LMBR1L: variants seen among roughly 807,000 people sequenced by gnomAD.
LMBR1L encodes the protein protein LMBR1L.
A neutral mutation model predicts 67.3 loss-of-function variants in LMBR1L; 47 were observed. The observed-to-expected ratio is 0.70, with a 90% CI of 0.55 to 0.89. The LOEUF (loss-of-function observed/expected upper bound fraction) is 0.89. Among genes scored for constraint, LMBR1L ranks in the 40% least tolerant of loss-of-function variants. The pLI is 0.00. For synonymous variants in LMBR1L, 247 were observed against 250.3 expected (o/e 0.99, Z 0.13); for missense variants, 533 against 599.2 (o/e 0.89, Z 1.15).
intron 2 of LMBR1L, 23 bp from the exon 3 acceptor site, chr12:49,105,980 G>A (rs1344916165): frequency 1.1e-5 from 18 of 1,610,874 alleles, no homozygotes; most frequent in East Asian, 2.2e-5. Context: ...GAGGCACGGG[G>A]AACAGGCAGG....
chr12:49,102,383 G>T lies in LMBR1L; in HGVS notation c.770-7C>A. The T allele has an allele frequency of 6.2e-7, 1 of 1,614,124 alleles. No homozygotes were observed. The highest frequency in any genetic ancestry group is 8.5e-7 in the Non-Finnish European group (1 of 1,179,950). On this transcript the variant is annotated splice_region_variant and splice_polypyrimidine_tract_variant and intron_variant, in intron 9 of 16. Transcript: ENST00000267102. ...AGCCAGCAGGAAGTAGGATCTGAGG[G>T]CAGAGAAGATGGTGTTGCTCTCAAG...
Position 49,105,297 on chromosome 12 carries a change from C to T in LMBR1L, c.192-412G>A, listed in dbSNP as rs147648075. On this transcript the variant is annotated intron_variant, in intron 3 of 16. Coordinates refer to ENST00000267102, the MANE Select transcript of LMBR1L (RefSeq NM_018113.4). ...TAGCCCAGATAAGCACAGGGTCATC[C>T]CATATGGCTATGCCCTGCACAAAGG... The T allele has an allele frequency of 1.1e-3, 239 of 214,896 alleles. 1 individual carries two copies. The highest frequency in any genetic ancestry group is 5.1e-3 in the African/African-American group (224 of 44,240). 13.3% of individuals were successfully genotyped at this position (214,896 alleles called of 1,614,324 possible). A position where few individuals can be genotyped will look rare whatever the true frequency, so the allele number is the denominator to read the frequency against.
At chr12:49,106,889 C>G in intron 2 of LMBR1L, 72 bp downstream of exon 2, 1 of 1,215,652 alleles carries the variant, frequency 8.2e-7, no homozygotes, top group Non-Finnish European at 1.2e-6. Flanking sequence ...CCAGTGGGTA[C>G]CATAGGCCCA....
intron 1 of LMBR1L, chr12:49,110,243 A>AGGGGGGGGGCG: frequency 4.3e-6 from 2 of 461,600 alleles, no homozygotes; most frequent in Middle Eastern, 5.3e-4. Flanking sequence ...AGGGAGGGGC[A>AGGGGGGGGGCG]GGGGAGGGGC....
intron 3 of LMBR1L, among the ~76,000 whole-genome samples, chr12:49,105,417 G>A (rs1358312600): frequency 6.6e-6 from 1 of 152,154 alleles, no homozygotes; most frequent in East Asian, 1.9e-4. Context: ...GGCACTTCTA[G>A]CTCTTTGGTC....
At chr12:49,103,919 T>C (rs1487213645) in intron 5 of LMBR1L, 106 bp from the exon 6 acceptor site, 5 of 1,260,668 alleles carry the variant, frequency 4.0e-6, no homozygotes, top group Non-Finnish European at 5.5e-6. Flanking sequence ...ATTCAGGAGG[T>C]AAGAGAGAGG....
intron 1 of LMBR1L, among the ~76,000 whole-genome samples, chr12:49,108,391 G>A (rs893597165): frequency 1.3e-5 from 2 of 151,856 alleles, no homozygotes; most frequent in African/African-American, 4.8e-5. Context: ...GCGAAACCCT[G>A]TCTCTACTAA....
intron 2 of LMBR1L, chr12:49,106,220 C>A: frequency 1.9e-6 from 1 of 539,152 alleles, no homozygotes. Context: ...AGATCTCTCC[C>A]ATCACAAGTT....
Position 49,103,116 on chromosome 12 carries a change from G to C in LMBR1L, c.606C>G (p.Ser202=). Residue 202 remains serine, a synonymous_variant, in exon 7 of 17, where the codon TCC becomes TCG. Coordinates refer to ENST00000267102, the MANE Select transcript of LMBR1L (RefSeq NM_018113.4). ...CCAGGAGCAGCAGAACCCCAAGGAAGGAGATGCATGAGTAGAGGTAGGGGA... is the reference window on the plus strand; with the variant it reads ...CCAGGAGCAGCAGAACCCCAAGGAACGAGATGCATGAGTAGAGGTAGGGGA... ...YYLPYLYSCI[S]FLGVLLLLVC... 6.2e-7 allele frequency: 1 copy of C among 1,614,112 alleles called. No homozygotes were observed. The highest frequency in any genetic ancestry group is 8.5e-7 in the Non-Finnish European group (1 of 1,179,982).
intron 1 of LMBR1L, among the ~76,000 whole-genome samples, chr12:49,109,543 T>A (rs1378839511): frequency 4.6e-5 from 7 of 152,174 alleles, no homozygotes; most frequent in African/African-American, 1.7e-4. Flanking sequence ...ACCCCAACAA[T>A]GGATTCCCAC....
intron 5 of LMBR1L, chr12:49,104,063 GAC>G (rs1315770611): frequency 6.0e-6 from 3 of 500,192 alleles, no homozygotes; most frequent in African/African-American, 5.8e-5. Context: ...CTGGGAGGCT[GAC>G]CTCCGAGGTC....
chr12:49,110,504 C>T lies in LMBR1L; in HGVS notation c.52G>A (p.Glu18Lys). ...CTCACAATACACTCGCGGATCCTCT[C>T]GTGGAATAGCTGTTCTCGCACGGAT... ...VLSVREQLFH[E>K]RIRECIISTL... Residue 18 changes from glutamate (E) to lysine (K), a missense_variant, in exon 1 of 17, where the codon GAG becomes AAG. Transcript: ENST00000267102. The T allele has an allele frequency of 5.0e-6, 8 of 1,614,046 alleles. No homozygotes were observed. The highest frequency in any genetic ancestry group is 6.8e-6 in the Non-Finnish European group (8 of 1,179,974).
intron 2 of LMBR1L, chr12:49,106,319 A>G (rs545763538): frequency 2.6e-5 from 10 of 381,600 alleles, no homozygotes; most frequent in Admixed American, 1.8e-4. Flanking sequence ...AAGGGAAAAG[A>G]GAGGAGGGGG....
intron 15 of LMBR1L, among the ~76,000 whole-genome samples, chr12:49,099,086 A>AT (rs1939772659): frequency 7.0e-6 from 1 of 143,512 alleles, no homozygotes; most frequent in Non-Finnish European, 1.5e-5. Flanking sequence ...AAGTGCTAGG[A>AT]TTACAGGCGT....
rs746348663 is a variant in LMBR1L, at chr12:49,107,019, C to A, written c.99G>T (p.Leu33=). ...CIISTLLFAT[L]YILCHIFLTR... is the part of the protein sequence containing the mutation. ...TCAGGAAGATGTGGCAGAGGATGTA[C>A]AGTGTTGCAAACAGAAGTGTTGATA... is the stretch of plus-strand genomic sequence containing the variant. Residue 33 remains leucine, a synonymous_variant, in exon 2 of 17, where the codon CTG becomes CTT. Coordinates refer to ENST00000267102, the MANE Select transcript of LMBR1L (RefSeq NM_018113.4). The A allele has an allele frequency of 1.2e-6, 2 of 1,613,618 alleles. No homozygotes were observed. The highest frequency in any genetic ancestry group is 2.2e-5 in the South Asian group (2 of 91,078).
chr12:49,106,696 T>C (rs949646345), intron 2 of LMBR1L: 2 of 1,105,294 alleles, frequency 1.8e-6, no homozygotes, highest in Non-Finnish European at 2.6e-6. Context: ...TCTCCTTTGG[T>C]CCACACAATG....
chr12:49,110,625 G>A lies in LMBR1L; in HGVS notation c.-70C>T. The stretch of plus-strand genomic sequence containing the variant: ...GAGGACGAGCGGGGAGGAAGCCGCC[G>A]CCGCCAAGCACCCAGACCCAGCCTA... On this transcript the variant is annotated 5_prime_UTR_variant, in exon 1 of 17. Transcript: ENST00000267102. 1.4e-6 allele frequency: 2 copies of A among 1,412,154 alleles called. No homozygotes were observed. Among genetic ancestry groups the A allele is most frequent in the Non-Finnish European group, 2.0e-6 (2 of 998,450 alleles). The allele number at this position is 1,412,154 out of a possible 1,614,324, so 87.5% of individuals were successfully genotyped here. A position where few individuals can be genotyped will look rare whatever the true frequency, so the allele number is the denominator to read the frequency against.
intron 5 of LMBR1L, 126 bp downstream of exon 5, chr12:49,104,322 A>G (rs1940603858): frequency 1.3e-6 from 1 of 744,350 alleles, no homozygotes; most frequent in East Asian, 2.4e-5. Flanking sequence ...ATGACTTCCT[A>G]CTGTCACTAG....
At position 49,104,537 on chromosome 12, in the gene LMBR1L, C is replaced by T; in HGVS notation, c.346G>A (p.Val116Ile). Residue 116 changes from valine to isoleucine, a missense_variant, in exon 5 of 17, where the codon GTT (valine) becomes ATT (isoleucine). Physicochemically the swap from Val to Ile is conservative, Grantham distance 29. Transcript: ENST00000267102. ...AGGGACAGGTTGGAGAAGAGAAAAA[C>T]AAGGTTCCAGAGGCCTAGAGCAAAA... is the stretch of plus-strand genomic sequence containing the variant. ...GSLIHGLWNL[V>I]FLFSNLSLIF... 6.2e-7 allele frequency: 1 copy of T among 1,613,884 alleles called. No individual in the cohort carries two copies. The highest frequency in any genetic ancestry group is 8.5e-7 in the Non-Finnish European group (1 of 1,179,858).
Sources: gnomAD v4.1 joint callset for allele counts (sites outside exome capture counted in the v4.1 genomes callset) on GRCh38, gnomAD v4.1.1 for gene constraint, MANE v1.5 for transcripts, NCBI Gene and HGNC (gene_info 2026-07-23, HGNC 2026-07-21) for gene names.